Variants in EYA4 observed in about 807,000 individuals in gnomAD.
The protein encoded by EYA4 is protein phosphatase EYA4.
Under a neutral mutation model 87.9 loss-of-function variants are expected in EYA4, and 31 were observed. The ratio of observed to expected loss-of-function variants is 0.35; its 90% CI spans 0.27 to 0.48. EYA4 has a LOEUF of 0.48. Ranked by LOEUF, EYA4 falls within the 20% of genes least tolerant of loss-of-function variation. EYA4 has a pLI of 0.99. For missense variants in EYA4, 678 were observed against 761.4 expected, an observed-to-expected ratio of 0.89 and a Z score of 1.29; for synonymous variants, 263 against 270.6, an observed-to-expected ratio of 0.97 and a Z score of 0.28.
intron 13 of EYA4, among the ~76,000 whole-genome samples, chr6:133,497,069 T>C (rs1247350765): frequency 6.6e-6 from 1 of 152,218 alleles, no homozygotes; most frequent in African/African-American, 2.4e-5. Flanking sequence ...ACTGTGCGCC[T>C]GGCCCTTGGC....
rs747337768 is a variant in EYA4 at position 133,464,835 on chromosome 6, A to G, written c.781A>G (p.Thr261Ala). The change falls in exon 10 of 20, where the codon ACG becomes GCG. Residue 261 changes from threonine to alanine, a missense_variant. By Grantham distance (58) the Thr-to-Ala change is moderately conservative. Transcript: ENST00000355286. Reference sequence around the variant, plus strand: ...TGCAAATAATTCAGTTTCCAATTCAACGAATTTCAGTGGTTCACAACAGGT... The same window carrying G: ...TGCAAATAATTCAGTTTCCAATTCAGCGAATTTCAGTGGTTCACAACAGGT... ...IYANNSVSNS[T>A]NFSGSQQDYP... 6.2e-7 allele frequency: 1 copy of G among 1,610,944 alleles called. No individual in the cohort carries two copies. Among genetic ancestry groups the G allele is most frequent in the South Asian group, 1.1e-5 (1 of 91,010 alleles).
In EYA4 at chr6:133,385,222, C is replaced by T. The variant is rs558738500; in HGVS notation, c.83+2781C>T. ...GCTGAGGCAGGAGAATGGCGTGAAC[C>T]TGGAAGGCGGAGCTTGCAGTGAGCC... On this transcript the variant is annotated intron_variant, in intron 3 of 19. Coordinates refer to ENST00000355286, the MANE Select transcript of EYA4 (RefSeq NM_004100.5). Among the ~76,000 whole-genome samples the T allele has an allele frequency of 1.9e-4, 29 of 150,202 alleles. No homozygotes were observed. In the South Asian group the frequency reaches 5.5e-3, roughly 28 times the overall value.
chr6:133,512,858 ATGT>A lies in EYA4; in HGVS notation c.1341-19_1341-17del. 1 of 1,613,774 alleles carries A rather than the reference ATGT, an allele frequency of 6.2e-7. No individual in the cohort carries two copies. Among genetic ancestry groups the A allele is most frequent in the African/African-American group, 1.3e-5 (1 of 75,024 alleles). Reference sequence around the variant, plus strand: ...TTGCACATGTAATTATTTCTTTTTAATGTATTTTGGGTGTTACAGTACCTACAG... The same window carrying A: ...TTGCACATGTAATTATTTCTTTTTAAATTTTGGGTGTTACAGTACCTACAG... On this transcript the variant is annotated splice_polypyrimidine_tract_variant and intron_variant, in intron 15 of 19. Coordinates refer to ENST00000355286, the MANE Select transcript of EYA4 (RefSeq NM_004100.5).
chr6:133,335,720 A>G (rs920586812), intron 2 of EYA4, among the ~76,000 whole-genome samples: 1 of 152,164 alleles, frequency 6.6e-6, no homozygotes, highest in Non-Finnish European at 1.5e-5. Flanking sequence ...GGGAGGGAGC[A>G]TGGTGCATTG....
At chr6:133,242,483 AGGGACCTGGCT>A (rs1325800701) in intron 1 of EYA4, among the ~76,000 whole-genome samples, 1 of 152,158 alleles carries the variant, frequency 6.6e-6, no homozygotes, top group Non-Finnish European at 1.5e-5. Context: ...CTCCAAAGGA[AGGGACCTGGCT>A]GGGTAGAGCA....
chr6:133,408,450 C>T (rs546765164), intron 3 of EYA4, among the ~76,000 whole-genome samples: 11 of 151,892 alleles, frequency 7.2e-5, no homozygotes, highest in East Asian at 1.9e-4. Context: ...TTAGAATCTA[C>T]GCATAAGATT....
chr6:133,495,041 G>A (rs1044998965), intron 13 of EYA4, among the ~76,000 whole-genome samples: 6 of 152,040 alleles, frequency 3.9e-5, no homozygotes, highest in African/African-American at 1.4e-4. Flanking sequence ...GGCCGAAGTG[G>A]GCAGATCATC....
intron 1 of EYA4, chr6:133,245,343 C>G (rs535290176): frequency 4.5e-4 from 68 of 152,314 alleles, no homozygotes; most frequent in African/African-American, 1.4e-3. Flanking sequence ...GAACAAACCT[C>G]TATCAAAACA....
intron 3 of EYA4, among the ~76,000 whole-genome samples, chr6:133,442,442 C>G (rs1171527176): frequency 6.6e-6 from 1 of 152,204 alleles, no homozygotes; most frequent in East Asian, 1.9e-4. Context: ...AACATTTGAA[C>G]TGGAGAGGCA....
chr6:133,515,191 T>A (rs900581983), intron 16 of EYA4, 130 bp from the exon 17 acceptor site: 1 of 708,982 alleles, frequency 1.4e-6, no homozygotes, highest in African/African-American at 1.7e-5. Flanking sequence ...TGGACATAAA[T>A]CTGTATCTCT....
At chr6:133,342,574 C>CATATATATATATATATATATATATAT (rs56987430) in intron 2 of EYA4, among the ~76,000 whole-genome samples, 2 of 100,470 alleles carry the variant, frequency 2.0e-5, no homozygotes, top group African/African-American at 4.6e-5. Flanking sequence ...TACACACTGC[C>CATATATATATATATATATATATATAT]ATATATATAT....
Position 133,349,495 on chromosome 6 carries a change from A to C in EYA4, c.34-32897A>C, listed in dbSNP as rs1203288646. 2.0e-5 allele frequency among the ~76,000 whole-genome samples: 3 copies of C among 152,362 alleles called. No homozygotes were observed. In the East Asian group the frequency reaches 5.8e-4, roughly 29 times the overall value. ...ATTCATGTATGAATAAATGAATGAA[A>C]GAATGGCATTTGAGTTTTATTAGGA... is the stretch of plus-strand genomic sequence containing the variant. On this transcript the variant is annotated intron_variant, in intron 2 of 19. Coordinates refer to ENST00000355286, the MANE Select transcript of EYA4 (RefSeq NM_004100.5).
At chr6:133,359,083 A>G (rs1257305496) in intron 2 of EYA4, among the ~76,000 whole-genome samples, 2 of 152,254 alleles carry the variant, frequency 1.3e-5, no homozygotes, top group Non-Finnish European at 1.5e-5. Flanking sequence ...ACTAGAACAC[A>G]GGAAACATGG....
chr6:133,370,068 C>T (rs140590018), intron 2 of EYA4, among the ~76,000 whole-genome samples: 68 of 152,194 alleles, frequency 4.5e-4, no homozygotes, highest in African/African-American at 1.5e-3. Flanking sequence ...TCCTGGAGCC[C>T]GAAGGTTCAC....
At chr6:133,277,907 A>G (rs1295186439) in intron 2 of EYA4, among the ~76,000 whole-genome samples, 1 of 152,034 alleles carries the variant, frequency 6.6e-6, no homozygotes, top group Non-Finnish European at 1.5e-5. Flanking sequence ...GAGCTCCCTT[A>G]GTTTAGTTGA....
At chr6:133,348,354 A>G (rs920820118) in intron 2 of EYA4, among the ~76,000 whole-genome samples, 1 of 138,516 alleles carries the variant, frequency 7.2e-6, no homozygotes, top group African/African-American at 2.8e-5. Flanking sequence ...GCTCACTGCA[A>G]CCTCCACCTC....
At chr6:133,289,451 T>C (rs936378390) in intron 2 of EYA4, among the ~76,000 whole-genome samples, 2 of 152,216 alleles carry the variant, frequency 1.3e-5, no homozygotes, top group African/African-American at 4.8e-5. Flanking sequence ...CATACTCAGT[T>C]TTCTTTTAGC....
chr6:133,295,247 T>G (rs900434261), intron 2 of EYA4, among the ~76,000 whole-genome samples: 1 of 152,228 alleles, frequency 6.6e-6, no homozygotes, highest in South Asian at 2.1e-4. Context: ...TATGTTCAAG[T>G]GCTCCCCTAG....
At chr6:133,514,808 T>G (rs1799449392) in intron 16 of EYA4, among the ~76,000 whole-genome samples, 1 of 152,236 alleles carries the variant, frequency 6.6e-6, no homozygotes, top group African/African-American at 2.4e-5. Context: ...ATAGTAGCAT[T>G]AGCAGTAGTA....
Sources: allele counts gnomAD v4.1 joint callset (sites outside exome capture counted in the v4.1 genomes callset), GRCh38; gene constraint gnomAD v4.1.1; transcripts MANE v1.5; gene names NCBI Gene and HGNC (gene_info 2026-07-23, HGNC 2026-07-21).